The following ESRRG variants were observed in gnomAD, a reference collection of about 807,000 sequenced individuals.
ESRRG encodes estrogen related receptor gamma, also known as estrogen-related receptor gamma.
A neutral mutation model predicts 44.0 loss-of-function variants in ESRRG; 13 were observed. The observed-to-expected ratio is 0.30, with a 90% CI of 0.19 to 0.47. ESRRG has a LOEUF of 0.47. Among genes scored for constraint, ESRRG ranks in the 20% least tolerant of loss-of-function variants. The pLI is 1.00. For synonymous variants in ESRRG, 215 were observed against 214.6 expected (o/e 1.00, Z -0.02); for missense variants, 395 against 580.6 (o/e 0.68, Z 3.29).
intron 1 of ESRRG, among the ~76,000 whole-genome samples, chr1:217,122,163 AT>A (rs1396203856): frequency 6.6e-6 from 1 of 152,318 alleles, no homozygotes; most frequent in Admixed American, 6.5e-5. Context: ...TTGGAGTTCC[AT>A]TTTTAAGGGA....
At chr1:217,006,130 C>T (rs2077702544) in intron 1 of ESRRG, among the ~76,000 whole-genome samples, 1 of 152,112 alleles carries the variant, frequency 6.6e-6, no homozygotes. Context: ...TATTATCAGA[C>T]TTCTTGTGTA....
intron 1 of ESRRG, among the ~76,000 whole-genome samples, chr1:217,099,591 G>A (rs1263363053): frequency 1.3e-5 from 2 of 152,148 alleles, no homozygotes; most frequent in African/African-American, 4.8e-5. Flanking sequence ...ACCAGGCTGA[G>A]ATATAAAAAT....
intron 1 of ESRRG, among the ~76,000 whole-genome samples, chr1:217,020,147 A>T (rs1447755336): frequency 6.6e-6 from 1 of 152,214 alleles, no homozygotes; most frequent in Non-Finnish European, 1.5e-5. Context: ...GTTTTGCTCA[A>T]ATAAATAAGG....
At chr1:216,540,223 C>T (rs1346447246) in intron 5 of ESRRG, among the ~76,000 whole-genome samples, 1 of 151,904 alleles carries the variant, frequency 6.6e-6, no homozygotes, top group African/African-American at 2.4e-5. Context: ...CTCAGAAAAG[C>T]CAATAGACTC....
intron 1 of ESRRG, among the ~76,000 whole-genome samples, chr1:217,035,318 T>TAAAAAA (rs2082695436): frequency 4.3e-5 from 1 of 23,140 alleles, no homozygotes; most frequent in Admixed American, 5.9e-4. Flanking sequence ...AGACTCTGTC[T>TAAAAAA]CAAAAAAAAA....
intron 3 of ESRRG, among the ~76,000 whole-genome samples, chr1:216,623,501 G>A (rs1322376944): frequency 1.3e-5 from 2 of 152,052 alleles, no homozygotes; most frequent in Non-Finnish European, 2.9e-5. Flanking sequence ...CCCTGCCCCT[G>A]TTCTTCTGGC....
At chr1:216,757,232 C>T (rs2092501558) in intron 2 of ESRRG, among the ~76,000 whole-genome samples, 1 of 151,982 alleles carries the variant, frequency 6.6e-6, no homozygotes, top group Non-Finnish European at 1.5e-5. Context: ...AAGATATCTA[C>T]TCTAGATTAG....
intron 2 of ESRRG, chr1:216,865,187 C>CAAAAAAAAAAAAAAAAAAAAAAAAAAAA (rs548064265): frequency 2.8e-4 from 14 of 49,244 alleles, no homozygotes; most frequent in African/African-American, 5.8e-4. Context: ...AGCTGTGCAG[C>CAAAAAAAAAAAAAAAAAAAAAAAAAAAA]AAAAAAAAAA....
At chr1:217,032,908 C>T (rs945616590) in intron 1 of ESRRG, among the ~76,000 whole-genome samples, 3 of 152,162 alleles carry the variant, frequency 2.0e-5, no homozygotes, top group South Asian at 2.1e-4. Flanking sequence ...TGGCTGCTCA[C>T]ATGTAAAAGT....
chr1:217,080,221 T>C (rs2091634899), intron 1 of ESRRG, among the ~76,000 whole-genome samples: 1 of 152,188 alleles, frequency 6.6e-6, no homozygotes, highest in African/African-American at 2.4e-5. Flanking sequence ...TACTATATGT[T>C]AAAATTACTT....
chr1:216,832,098 G>T (rs1007449513), intron 2 of ESRRG, among the ~76,000 whole-genome samples: 1 of 152,108 alleles, frequency 6.6e-6, no homozygotes, highest in Non-Finnish European at 1.5e-5. Flanking sequence ...ACAAGGCAGT[G>T]CATTTTGTCT....
rs73106551 is a variant in ESRRG at position 216,532,338 on chromosome 1, G to A, written c.863-12917C>T. ...GCAGCAACAAGCATTTTGACATAAC[G>A]GGGATCAAGCCGCTGCTTGGTATCC... is the stretch of plus-strand genomic sequence containing the variant. On this transcript the variant is annotated intron_variant, in intron 5 of 6. Coordinates refer to ENST00000408911, the MANE Select transcript of ESRRG (RefSeq NM_001438.4). Among the ~76,000 whole-genome samples the A allele has an allele frequency of 4.9e-3, 750 of 152,204 alleles. 4 individuals carry two copies. The highest frequency in any genetic ancestry group is 0.017 in the African/African-American group (705 of 41,554).
chr1:216,728,810 T>G (rs1039916876), intron 2 of ESRRG, among the ~76,000 whole-genome samples: 2 of 151,578 alleles, frequency 1.3e-5, no homozygotes, highest in African/African-American at 4.9e-5. Context: ...AAAAAAAAAG[T>G]AAGATATTAA....
chr1:216,820,000 G>T (rs1175035990), intron 2 of ESRRG, among the ~76,000 whole-genome samples: 1 of 152,150 alleles, frequency 6.6e-6, no homozygotes, highest in African/African-American at 2.4e-5. Flanking sequence ...ATATGGCAGA[G>T]GAGAGAAGAA....
At chr1:216,630,830 G>T (rs555565776) in intron 3 of ESRRG, among the ~76,000 whole-genome samples, 1 of 152,196 alleles carries the variant, frequency 6.6e-6, no homozygotes, top group Admixed American at 6.5e-5. Context: ...ACTGCAAAGG[G>T]TCTGTCAAAA....
chr1:216,795,520 T>C lies in ESRRG; in HGVS notation c.-13-118029A>G, dbSNP rs746645411. Reference sequence around the variant, plus strand: ...TGTGCCTGGCTAATTTTTGTATTTTTAGTAGAGACATGGTTTCACCATGTT... The same window carrying C: ...TGTGCCTGGCTAATTTTTGTATTTTCAGTAGAGACATGGTTTCACCATGTT... On this transcript the variant is annotated intron_variant, in intron 2 of 7. Coordinates refer to the ESRRG transcript ENST00000359162. 6.6e-5 allele frequency among the ~76,000 whole-genome samples: 10 copies of C among 151,906 alleles called. No homozygotes were observed. The East Asian group carries it at 1.4e-3, about 21-fold the overall frequency.
chr1:216,756,123 G>C (rs894782029), intron 2 of ESRRG, among the ~76,000 whole-genome samples: 2 of 151,956 alleles, frequency 1.3e-5, no homozygotes, highest in Non-Finnish European at 2.9e-5. Context: ...GAAAAATGTA[G>C]ATAGCATCTG....
chr1:216,914,170 G>A (rs2149632119), intron 2 of ESRRG, among the ~76,000 whole-genome samples: 1 of 151,984 alleles, frequency 6.6e-6, no homozygotes, highest in African/African-American at 2.4e-5. Context: ...GCTATCAGCT[G>A]AAGATAAAGC....
chr1:217,126,873 A>G (rs1172494440), intron 1 of ESRRG, among the ~76,000 whole-genome samples: 1 of 152,230 alleles, frequency 6.6e-6, no homozygotes, highest in Non-Finnish European at 1.5e-5. Context: ...ACTGCATTGC[A>G]TGAATACTTT....
Sources: allele counts gnomAD v4.1 joint callset (sites outside exome capture counted in the v4.1 genomes callset), GRCh38; gene constraint gnomAD v4.1.1; transcripts MANE v1.5; gene names NCBI Gene and HGNC (gene_info 2026-07-23, HGNC 2026-07-21).